Variants in ANO2 observed in about 807,000 individuals in gnomAD.
The protein encoded by ANO2 is anoctamin 2.
In ANO2, 101 loss-of-function variants were observed where a neutral mutation model predicts 124.2. The observed-to-expected ratio is 0.81, with a 90% CI of 0.69 to 0.96. ANO2 has a LOEUF of 0.96. ANO2 is among the 40% of genes least tolerant of loss of function. The probability of loss-of-function intolerance (pLI) is 0.00; values close to 1 mark genes in which losing one functional copy is unlikely to be tolerated. For missense variants in ANO2, 1,293 were observed against 1,274.5 expected (o/e 1.01, Z -0.22); for synonymous variants, 486 against 482.5 (o/e 1.01, Z -0.09).
intron 9 of ANO2, among the ~76,000 whole-genome samples, chr12:5,805,700 G>A (rs1251430029): frequency 2.0e-5 from 3 of 152,150 alleles, no homozygotes; most frequent in African/African-American, 4.8e-5. Context: ...TCTAGGCCAA[G>A]GTGCTCAAGT....
rs1944608992 is a variant in ANO2, at chr12:5,612,785, G to C, written c.1987-29C>G. On this transcript the variant is annotated intron_variant, in intron 18 of 24. Transcript: ENST00000682330. Reference sequence around the variant, plus strand: ...CAGGGAGAAGATAAGGAAAGGACCGGTTAGAACAAAAGGGAGCTCTGAGAA... The same window carrying C: ...CAGGGAGAAGATAAGGAAAGGACCGCTTAGAACAAAAGGGAGCTCTGAGAA... 6.2e-6 allele frequency: 10 copies of C among 1,612,410 alleles called. No homozygotes were observed. The East Asian group carries it at 2.2e-4, about 36-fold the overall frequency.
rs190244914 is a variant in ANO2, at chr12:5,900,676, G to A, written c.534+20364C>T. Among the ~76,000 whole-genome samples the A allele has an allele frequency of 2.0e-5, 3 of 152,148 alleles. No individual in the cohort carries two copies. Among genetic ancestry groups the A allele is most frequent in the East Asian group, 3.9e-4 (2 of 5,184 alleles). On this transcript the variant is annotated intron_variant, in intron 3 of 24. Coordinates refer to ENST00000682330, the MANE Select transcript of ANO2 (RefSeq NM_001364791.2). This position sits in a 1 kb window ranked among gnomAD's most constrained non-coding sequence, Gnocchi z 4.2. ...GTGTGGTCCCTGCCATCCTGGCACA[G>A]CCTGACCACAATCCCCTTCCCCATG...
rs71459980 is a variant in ANO2 at position 5,928,755 on chromosome 12, T to C, written c.23-5951A>G. Among the ~76,000 whole-genome samples the C allele has an allele frequency of 6.8e-4, 52 of 76,424 alleles. 6 individuals carry two copies. The highest frequency in any genetic ancestry group is 9.7e-4 in the Non-Finnish European group (38 of 39,278). 50.1% of individuals were successfully genotyped at this position (76,424 alleles called of 152,430 possible). A position where few individuals can be genotyped will look rare whatever the true frequency, so the allele number is the denominator to read the frequency against. On this transcript the variant is annotated intron_variant, in intron 1 of 24. Coordinates refer to ENST00000682330, the MANE Select transcript of ANO2 (RefSeq NM_001364791.2). ...TCCTTACTAGTCTGTCTTCTTTCCTTACTCGTCTGCCTTCTTTCCTTATTA... is the reference window on the plus strand; with the variant it reads ...TCCTTACTAGTCTGTCTTCTTTCCTCACTCGTCTGCCTTCTTTCCTTATTA...
At chr12:5,744,032 A>G (rs994632217) in intron 12 of ANO2, 125 bp downstream of exon 12, 3 of 1,148,848 alleles carry the variant, frequency 2.6e-6, no homozygotes, top group Non-Finnish European at 3.7e-6. Context: ...TCCTTAAAAT[A>G]CTTCTTGTGA....
Position 5,875,829 on chromosome 12 carries a change from C to A in ANO2, c.535-21688G>T, listed in dbSNP as rs748336291. 4.0e-5 allele frequency among the ~76,000 whole-genome samples: 6 copies of A among 151,538 alleles called. 1 individual carries two copies. The highest frequency in any genetic ancestry group is 1.5e-4 in the African/African-American group (6 of 41,218). On this transcript the variant is annotated intron_variant, in intron 3 of 24. Transcript: ENST00000682330. Reference sequence around the variant, plus strand: ...AAGTCCTAGGCTACATCTAGAATGACGGAGAGGAACAGCCCCTCTATGACT... The same window carrying A: ...AAGTCCTAGGCTACATCTAGAATGAAGGAGAGGAACAGCCCCTCTATGACT...
At position 5,578,348 on chromosome 12, in the gene ANO2, T is replaced by C; in HGVS notation, c.2386+18A>G. ...GCAGAAGGATGGGCCTGGTGGGGCC[T>C]CTAAGTGGGGCACGTACCGATATCT... On this transcript the variant is annotated intron_variant, in intron 21 of 24. Coordinates refer to ENST00000682330, the MANE Select transcript of ANO2 (RefSeq NM_001364791.2). 2 of 1,610,086 alleles carry C rather than the reference T, an allele frequency of 1.2e-6. No homozygotes were observed. Among genetic ancestry groups the C allele is most frequent in the Non-Finnish European group, 1.7e-6 (2 of 1,177,430 alleles).
chr12:5,771,313 G>A (rs1482952252), intron 10 of ANO2, among the ~76,000 whole-genome samples: 1 of 152,120 alleles, frequency 6.6e-6, no homozygotes, highest in African/African-American at 2.4e-5. Context: ...CACAGCTAAT[G>A]AGAAGAATTC....
At chr12:5,844,896 TTGAC>T (rs1187166449) in intron 4 of ANO2, among the ~76,000 whole-genome samples, 4 of 151,386 alleles carry the variant, frequency 2.6e-5, no homozygotes, top group African/African-American at 9.8e-5. Context: ...TCTCAAAACT[TTGAC>T]TGTCCTGGTA....
intron 14 of ANO2, among the ~76,000 whole-genome samples, chr12:5,704,779 T>C (rs1337719721): frequency 6.6e-6 from 1 of 152,096 alleles, no homozygotes; most frequent in Non-Finnish European, 1.5e-5. Context: ...TTTTCTAAGC[T>C]TTCTGACGAA....
chr12:5,571,291 T>C (rs1284959106), intron 23 of ANO2, among the ~76,000 whole-genome samples: 1 of 152,230 alleles, frequency 6.6e-6, no homozygotes, highest in East Asian at 1.9e-4. Context: ...CTGCTAATCA[T>C]GCCTGCAGAT....
chr12:5,842,129 C>T (rs1954533183), intron 4 of ANO2, among the ~76,000 whole-genome samples: 1 of 152,128 alleles, frequency 6.6e-6, no homozygotes, highest in Non-Finnish European at 1.5e-5. Flanking sequence ...ATCCTCCTGC[C>T]TTTGCCTCCC....
At position 5,807,326 on chromosome 12, in the gene ANO2, T is replaced by C; in HGVS notation, c.935A>G (p.Tyr312Cys). The change falls in exon 8 of 25, where the codon TAC becomes TGC. Residue 312 changes from tyrosine (Y) to cysteine (C), a missense_variant. Transcript: ENST00000682330. ...AATAGTACTTACGTCATGAAGAGGGTAGGCAGCCTCATAGATATTGTTTGC... is the reference window on the plus strand; with the variant it reads ...AATAGTACTTACGTCATGAAGAGGGCAGGCAGCCTCATAGATATTGTTTGC... ...LIANNIYEAA[Y>C]PLHDGEYDSP... 15 of 1,554,480 alleles carry C rather than the reference T, an allele frequency of 9.6e-6. No homozygotes were observed. Among genetic ancestry groups the C allele is most frequent in the Non-Finnish European group, 1.3e-5 (15 of 1,148,716 alleles).
At chr12:5,926,254 A>G (rs191332466) in intron 1 of ANO2, among the ~76,000 whole-genome samples, 23 of 152,180 alleles carry the variant, frequency 1.5e-4, no homozygotes, top group Non-Finnish European at 2.8e-4. Context: ...TCACCCTTCC[A>G]TGAGTCCCAC....
At chr12:5,938,814 A>C (rs1942765898) in intron 1 of ANO2, among the ~76,000 whole-genome samples, 1 of 151,818 alleles carries the variant, frequency 6.6e-6, no homozygotes, top group African/African-American at 2.4e-5. Context: ...GACAAGAGCA[A>C]AACTCTGTCT....
chr12:5,883,477 A>G (rs1291633155), intron 3 of ANO2, among the ~76,000 whole-genome samples: 1 of 145,896 alleles, frequency 6.9e-6, no homozygotes, highest in African/African-American at 2.6e-5. Flanking sequence ...TGGTCTGTGC[A>G]TGTGTGCGTG....
intron 16 of ANO2, among the ~76,000 whole-genome samples, chr12:5,631,706 G>C (rs372229366): frequency 6.6e-5 from 10 of 152,208 alleles, no homozygotes; most frequent in Admixed American, 2.0e-4. Flanking sequence ...GGGTCACTGA[G>C]GTCGTTTTGG....
intron 16 of ANO2, among the ~76,000 whole-genome samples, chr12:5,628,564 T>C (rs1945528956): frequency 6.6e-6 from 1 of 152,182 alleles, no homozygotes; most frequent in African/African-American, 2.4e-5. Context: ...TGTCTCTAAA[T>C]GGGAGTATTA....
In ANO2 at chr12:5,908,510, G is replaced by T. The variant is rs115808707; in HGVS notation, c.534+12530C>A. ...AGAAAGTCCAACTGCTGGCCACAGT[G>T]GAGTGGTTTGCAGTAGCCGAGACTC... On this transcript the variant is annotated intron_variant, in intron 3 of 24. Coordinates refer to ENST00000682330, the MANE Select transcript of ANO2 (RefSeq NM_001364791.2). The surrounding 1 kb of genome is among the most constrained non-coding windows in gnomAD (Gnocchi z 4.7). Among the ~76,000 whole-genome samples, 1,042 of 152,326 alleles carry T rather than the reference G, an allele frequency of 6.8e-3. 12 individuals carry two copies. The highest frequency in any genetic ancestry group is 0.024 in the African/African-American group (982 of 41,572).
At position 5,904,320 on chromosome 12, in the gene ANO2, T is replaced by A. The variant is rs917984751; in HGVS notation, c.534+16720A>T. Among the ~76,000 whole-genome samples, 3 of 152,152 alleles carry A rather than the reference T, an allele frequency of 2.0e-5. No individual in the cohort carries two copies. Among genetic ancestry groups the A allele is most frequent in the African/African-American group, 7.2e-5 (3 of 41,442 alleles). On this transcript the variant is annotated intron_variant, in intron 3 of 24. Coordinates refer to ENST00000682330, the MANE Select transcript of ANO2 (RefSeq NM_001364791.2). This position sits in a 1 kb window ranked among gnomAD's most constrained non-coding sequence, Gnocchi z 4.1. ...GGTGCCCAATACACCACCATTCACC[T>A]AAGGCTTTGATCCCTGAGAAAAATG...
Sources: gnomAD v4.1 joint callset for allele counts (sites outside exome capture counted in the v4.1 genomes callset) on GRCh38, gnomAD v4.1.1 for gene constraint, Gnocchi (gnomAD v3.1) non-coding constraint, MANE v1.5 for transcripts, NCBI Gene and HGNC (gene_info 2026-07-23, HGNC 2026-07-21) for gene names.